Variants in SLC5A1 observed in about 807,000 individuals in gnomAD.
SLC5A1 encodes sodium/glucose cotransporter 1.
SLC5A1 carries 42 observed loss-of-function variants against 73.5 expected under a neutral mutation model. The ratio of observed to expected loss-of-function variants is 0.57; its 90% confidence interval spans 0.45 to 0.74. The LOEUF (loss-of-function observed/expected upper bound fraction) is 0.74, where lower values mean the gene tolerates loss of function less well. Among genes scored for constraint, SLC5A1 ranks in the 30% least tolerant of loss-of-function variants. The pLI, the probability that SLC5A1 is intolerant of heterozygous loss-of-function variation, is 0.00. For missense variants in SLC5A1, 634 were observed against 855.4 expected, an observed-to-expected ratio of 0.74 and a Z score of 3.23; for synonymous variants, 300 against 317.4, an observed-to-expected ratio of 0.95 and a Z score of 0.58.
rs895346062 is a variant in SLC5A1, at chr22:32,111,440, A to T, written c.*1227A>T. The T allele has an allele frequency of 6.6e-6, 1 of 152,198 alleles. No homozygotes were observed. The highest frequency in any genetic ancestry group is 1.5e-5 in the Non-Finnish European group (1 of 68,060). The allele number at this position is 152,198 out of a possible 1,614,324, so 9.4% of individuals were successfully genotyped here. A position where few individuals can be genotyped will look rare whatever the true frequency, so the allele number is the denominator to read the frequency against. ...AAAGCCCCTACCTCCAAATACAGTC[A>T]CACTGTGAGAAACTGAGGGTTAGGA... On this transcript the variant is annotated 3_prime_UTR_variant, in exon 15 of 15. Coordinates refer to ENST00000266088, the MANE Select transcript of SLC5A1 (RefSeq NM_000343.4).
intron 3 of SLC5A1, among the ~76,000 whole-genome samples, chr22:32,067,362 TAAAA>T (rs765989227): frequency 1.4e-3 from 210 of 147,518 alleles, no homozygotes; most frequent in South Asian, 5.5e-3. Context: ...TTATTTTTTT[TAAAA>T]AAATTTTTAT....
At chr22:32,063,068 A>G (rs2093966100) in intron 2 of SLC5A1, among the ~76,000 whole-genome samples, 1 of 152,004 alleles carries the variant, frequency 6.6e-6, no homozygotes, top group East Asian at 1.9e-4. Flanking sequence ...GGAGAGAGAG[A>G]AAGAGATTTC....
intron 11 of SLC5A1, among the ~76,000 whole-genome samples, chr22:32,093,017 T>C (rs1035457333): frequency 6.6e-6 from 1 of 152,236 alleles, no homozygotes; most frequent in Admixed American, 6.5e-5. Context: ...TTCTCCTGCA[T>C]GTGGCTTGCC....
At chr22:32,067,179 A>T (rs1338149750) in intron 3 of SLC5A1, 140 bp downstream of exon 3, 3 of 678,480 alleles carry the variant, frequency 4.4e-6, no homozygotes. Context: ...GAGGGGCATG[A>T]CTTCAGGAGC....
chr22:32,076,788 G>A (rs1036419739), intron 5 of SLC5A1, among the ~76,000 whole-genome samples: 12 of 152,190 alleles, frequency 7.9e-5, no homozygotes, highest in Non-Finnish European at 1.0e-4. Context: ...GAGCCAAGGC[G>A]AAGCAACATG....
intron 11 of SLC5A1, among the ~76,000 whole-genome samples, chr22:32,098,946 C>T (rs1040642364): frequency 3.3e-5 from 5 of 150,992 alleles, no homozygotes; most frequent in African/African-American, 2.4e-5. Flanking sequence ...ATTAGCCGGG[C>T]GTGGTGGCGG....
intron 14 of SLC5A1, among the ~76,000 whole-genome samples, chr22:32,107,245 T>C (rs901500520): frequency 3.3e-5 from 5 of 152,284 alleles, no homozygotes; most frequent in East Asian, 1.9e-4. Context: ...AAGAATATCA[T>C]AGATTTTAAA....
At chr22:32,070,891 A>T (rs2093981919) in intron 5 of SLC5A1, among the ~76,000 whole-genome samples, 1 of 152,218 alleles carries the variant, frequency 6.6e-6, no homozygotes. Flanking sequence ...AAAAGAAAAG[A>T]AAAGAAAAGA....
intron 1 of SLC5A1, among the ~76,000 whole-genome samples, chr22:32,047,418 A>G (rs928260401): frequency 6.8e-6 from 1 of 147,484 alleles, no homozygotes. Context: ...GACCTTCAGA[A>G]TGGCTTTTCC....
At chr22:32,067,858 G>C in intron 3 of SLC5A1, 109 bp from the exon 4 acceptor site, 1 of 1,127,484 alleles carries the variant, frequency 8.9e-7, no homozygotes, top group Non-Finnish European at 1.4e-6. Context: ...CGGCTCCTTA[G>C]GGGAGAACAT....
chr22:32,053,977 C>T (rs1007388244), intron 2 of SLC5A1, among the ~76,000 whole-genome samples: 4 of 152,084 alleles, frequency 2.6e-5, no homozygotes, highest in Non-Finnish European at 5.9e-5. Context: ...AGTTCAAGAC[C>T]AGCTGGCCAA....
chr22:32,057,751 C>T (rs2093954006), intron 2 of SLC5A1, among the ~76,000 whole-genome samples: 1 of 152,074 alleles, frequency 6.6e-6, no homozygotes, highest in Non-Finnish European at 1.5e-5. Context: ...AAGGTAATTC[C>T]AGCTCTAACA....
intron 14 of SLC5A1, among the ~76,000 whole-genome samples, chr22:32,105,531 G>C (rs906745923): frequency 7.2e-5 from 11 of 152,154 alleles, no homozygotes; most frequent in Middle Eastern, 3.4e-3. Flanking sequence ...CTGACCTTAG[G>C]TGATCTGCCC....
intron 5 of SLC5A1, among the ~76,000 whole-genome samples, chr22:32,070,631 G>T (rs1178530128): frequency 6.6e-6 from 1 of 152,098 alleles, no homozygotes; most frequent in Non-Finnish European, 1.5e-5. Flanking sequence ...ACTGCACCCG[G>T]CCTTGTGTTC....
intron 9 of SLC5A1, 136 bp downstream of exon 9, chr22:32,085,171 A>AGTGGT: frequency 1.9e-6 from 2 of 1,060,438 alleles, no homozygotes; most frequent in Non-Finnish European, 2.9e-6. Context: ...GCTGGAGTGC[A>AGTGGT]GTGGTGTGAT....
rs1462459182 is a variant in SLC5A1, at chr22:32,111,492, A to G, written c.*1279A>G. 1 of 152,228 alleles carries G rather than the reference A, an allele frequency of 6.6e-6. No homozygotes were observed. The highest frequency in any genetic ancestry group is 1.5e-5 in the Non-Finnish European group (1 of 68,034). 9.4% of individuals were successfully genotyped at this position (152,228 alleles called of 1,614,324 possible). ...GTCAGCAAGTGAGTCTTGAAGAGAT[A>G]CTAAACAAACCCACAACACAGATAA... On this transcript the variant is annotated 3_prime_UTR_variant, in exon 15 of 15. Transcript: ENST00000266088.
chr22:32,049,880 C>T (rs2093942992), intron 1 of SLC5A1, 63 bp from the exon 2 acceptor site: 2 of 1,333,284 alleles, frequency 1.5e-6, no homozygotes, highest in Admixed American at 1.7e-5. Flanking sequence ...GGAGGTATGT[C>T]CTTTTGGCTG....
chr22:32,103,010 GT>G (rs1301767652), intron 13 of SLC5A1, among the ~76,000 whole-genome samples: 5 of 152,152 alleles, frequency 3.3e-5, no homozygotes, highest in Non-Finnish European at 7.3e-5. Flanking sequence ...CTTGGCTACT[GT>G]GAATAGTGCT....
chr22:32,073,587 A>G (rs2093986101), intron 5 of SLC5A1, among the ~76,000 whole-genome samples: 3 of 149,204 alleles, frequency 2.0e-5, no homozygotes, highest in Admixed American at 2.0e-4. Context: ...ATGTAGTTTC[A>G]CTCTCGTTGC....
Sources: allele counts gnomAD v4.1 joint callset (sites outside exome capture counted in the v4.1 genomes callset), GRCh38; gene constraint gnomAD v4.1.1; transcripts MANE v1.5; gene names NCBI Gene and HGNC (gene_info 2026-07-23, HGNC 2026-07-21).